Variants in SNW1 observed in about 807,000 individuals in gnomAD.
SNW1 encodes SNW domain containing 1, also known as SNW domain-containing protein 1.
Under a neutral mutation model 75.6 loss-of-function variants are expected in SNW1, and 9 were observed. The observed-to-expected ratio is 0.12, with a 90% CI of 0.07 to 0.21. The LOEUF is 0.21. Among genes scored for constraint, SNW1 ranks in the 10% least tolerant of loss-of-function variants. The pLI is 1.00. For missense variants in SNW1, 409 were observed against 670.9 expected (o/e 0.61, Z 4.31); for synonymous variants, 200 against 219.1 (o/e 0.91, Z 0.77).
intron 10 of SNW1, among the ~76,000 whole-genome samples, chr14:77,727,573 T>C (rs79084834): frequency 0.09 from 13,756 of 152,240 alleles, 815 homozygotes; most frequent in Non-Finnish European, 0.13. Context: ...CTAAGCCCAC[T>C]TTGTTGAGAG....
At chr14:77,719,038 C>G (rs1344149981) in intron 12 of SNW1, among the ~76,000 whole-genome samples, 1 of 152,120 alleles carries the variant, frequency 6.6e-6, no homozygotes, top group Non-Finnish European at 1.5e-5. Flanking sequence ...CTCAGCCTCC[C>G]AAGTAGCTGG....
intron 11 of SNW1, 49 bp downstream of exon 11, chr14:77,723,132 C>G: frequency 6.8e-7 from 1 of 1,466,394 alleles, no homozygotes; most frequent in Non-Finnish European, 9.5e-7. Context: ...CAGGGGTGAA[C>G]CACTGCGCCC....
At position 77,745,520 on chromosome 14, in the gene SNW1, C is replaced by T. The variant is rs187995007; in HGVS notation, c.330+5799G>A. 1.8e-3 allele frequency among the ~76,000 whole-genome samples: 270 copies of T among 152,264 alleles called. 1 individual carries two copies. The highest frequency in any genetic ancestry group is 2.3e-3 in the Non-Finnish European group (155 of 68,016). On this transcript the variant is annotated intron_variant, in intron 3 of 13. Coordinates refer to ENST00000261531, the MANE Select transcript of SNW1 (RefSeq NM_012245.3). Reference sequence around the variant, plus strand: ...GTCAGGAGTTCAAGACCAGCCTAACCAACAAGGTGAAACCCATCTCTACTA... The same window carrying T: ...GTCAGGAGTTCAAGACCAGCCTAACTAACAAGGTGAAACCCATCTCTACTA...
Position 77,731,047 on chromosome 14 carries a change from C to G in SNW1, c.974G>C (p.Arg325Thr), listed in dbSNP as rs1340731880. ...KEKEKHEEKL[R>T]EMAQKARERR... ...CTCCCTGGCTTTCTGGGCCATTTCT[C>G]TAAGTTTCTCTTCATGTTTTTCCTT... is the stretch of plus-strand genomic sequence containing the variant. Residue 325 changes from arginine to threonine, a missense_variant, in exon 10 of 14, where the codon AGA becomes ACA. Arg to Thr is a moderately conservative substitution (Grantham distance 71). Around this residue, in one of 9 missense-constraint regions of SNW1, gnomAD observed 37 missense variants for 110.0 expected, o/e 0.34. Transcript: ENST00000261531. The G allele has an allele frequency of 6.2e-7, 1 of 1,614,098 alleles. No individual in the cohort carries two copies. The highest frequency in any genetic ancestry group is 8.5e-7 in the Non-Finnish European group (1 of 1,179,986).
chr14:77,723,012 T>G (rs1037079670), intron 11 of SNW1, among the ~76,000 whole-genome samples, 169 bp downstream of exon 11: 3 of 152,062 alleles, frequency 2.0e-5, no homozygotes, highest in African/African-American at 7.2e-5. Context: ...CATGCCCGGC[T>G]AATTTTTTGT....
chr14:77,748,548 T>C (rs983842085), intron 3 of SNW1, among the ~76,000 whole-genome samples: 1 of 152,112 alleles, frequency 6.6e-6, no homozygotes, highest in South Asian at 2.1e-4. Context: ...ACTTGTGATA[T>C]ATACTTATGG....
intron 2 of SNW1, among the ~76,000 whole-genome samples, chr14:77,752,955 C>G (rs2080819595): frequency 6.6e-6 from 1 of 152,108 alleles, no homozygotes; most frequent in Admixed American, 6.6e-5. Context: ...TTCCCGTACC[C>G]AAGCCATCAA....
chr14:77,723,093 C>T (rs547418686), intron 11 of SNW1, 88 bp downstream of exon 11: 13 of 959,598 alleles, frequency 1.4e-5, no homozygotes, highest in East Asian at 7.2e-5. Context: ...GTGATCCGCC[C>T]GCATTGGCCT....
intron 1 of SNW1, among the ~76,000 whole-genome samples, chr14:77,756,372 A>G (rs1166258869): frequency 6.6e-6 from 1 of 152,008 alleles, no homozygotes; most frequent in Admixed American, 6.6e-5. Context: ...CAAGTGATCC[A>G]TCAGCCTCCA....
chr14:77,736,164 T>TA (rs1330407740), intron 6 of SNW1, among the ~76,000 whole-genome samples, 158 bp from the exon 7 acceptor site: 1 of 152,180 alleles, frequency 6.6e-6, no homozygotes, highest in East Asian at 1.9e-4. Context: ...TGACAATGAA[T>TA]AAAACATGGC....
chr14:77,753,750 A>AGGTG (rs2080824385), intron 2 of SNW1, among the ~76,000 whole-genome samples: 2 of 151,964 alleles, frequency 1.3e-5, no homozygotes, highest in South Asian at 4.2e-4. Flanking sequence ...TCAGGAGTTC[A>AGGTG]AGACCAGCCT....
At chr14:77,760,705 A>C (rs1326422557) in intron 1 of SNW1, 1 of 701,198 alleles carries the variant, frequency 1.4e-6, no homozygotes, top group South Asian at 1.5e-5. Context: ...AGACCACCAC[A>C]GGCAAACGGC....
rs745391146 is a variant in SNW1 at position 77,718,497 on chromosome 14, C to T, written c.1282G>A (p.Glu428Lys). The T allele has an allele frequency of 1.2e-6, 2 of 1,612,960 alleles. No individual in the cohort carries two copies. The highest frequency in any genetic ancestry group is 1.7e-6 in the Non-Finnish European group (2 of 1,179,242). ...GCTTGATCATAAACATTATAAATTT[C>T]ATCTTCTCCACCTGCAAATCCACTG... The part of the protein sequence containing the change: ...MDSGFAGGED[E>K]IYNVYDQAWR... Residue 428 changes from glutamate (E) to lysine (K), a missense_variant, in exon 13 of 14, where the codon GAA (glutamate) becomes AAA (lysine). By Grantham distance (56) the Glu-to-Lys change is moderately conservative. This residue lies in a region of SNW1 where 126 missense variants were observed against 167.6 expected (regional missense o/e 0.75). Coordinates refer to ENST00000261531, the MANE Select transcript of SNW1 (RefSeq NM_012245.3).
At chr14:77,758,474 A>G (rs1004368682) in intron 1 of SNW1, among the ~76,000 whole-genome samples, 3 of 152,146 alleles carry the variant, frequency 2.0e-5, no homozygotes, top group African/African-American at 7.2e-5. Context: ...AACAGCTTGC[A>G]TCTCAGCACT....
At chr14:77,736,088 G>T in intron 6 of SNW1, 82 bp from the exon 7 acceptor site, 1 of 989,610 alleles carries the variant, frequency 1.0e-6, no homozygotes, top group Non-Finnish European at 1.5e-6. Context: ...CCTTTTTCTT[G>T]CATAAAAGTT....
chr14:77,755,719 G>A (rs1213316614), intron 1 of SNW1, among the ~76,000 whole-genome samples: 1 of 149,420 alleles, frequency 6.7e-6, no homozygotes, highest in African/African-American at 2.5e-5. Flanking sequence ...ACCTGGCCAT[G>A]CTTCCGTATT....
chr14:77,731,189 C>T, intron 9 of SNW1, 60 bp from the exon 10 acceptor site: 1 of 1,549,974 alleles, frequency 6.5e-7, no homozygotes, highest in Admixed American at 1.8e-5. Context: ...TTATGGCTAT[C>T]ATCCAACTCC....
In SNW1 at chr14:77,717,637, CCAAG is replaced by C. The variant is rs1465944817; in HGVS notation, c.*447_*450del. 4 of 1,429,592 alleles carry C rather than the reference CCAAG, an allele frequency of 2.8e-6. No homozygotes were observed. Among genetic ancestry groups the C allele is most frequent in the African/African-American group, 1.4e-5 (1 of 70,546 alleles). 88.6% of individuals were successfully genotyped at this position (1,429,592 alleles called of 1,614,324 possible). A position where few individuals can be genotyped will look rare whatever the true frequency, so the allele number is the denominator to read the frequency against. On this transcript the variant is annotated 3_prime_UTR_variant, in exon 14 of 14. Coordinates refer to ENST00000261531, the MANE Select transcript of SNW1 (RefSeq NM_012245.3). ...TTTTTATTTGAAACAAATAGTTGCA[CCAAG>C]CAAGAGGTTACTTTGCCCACTCCAA...
At position 77,748,479 on chromosome 14, in the gene SNW1, T is replaced by C. The variant is rs529692423; in HGVS notation, c.330+2840A>G. ...AAATTTGGAATTATATATATCACTG[T>C]AGTAACAGCAGTTACCTCTGGGAAG... On this transcript the variant is annotated intron_variant, in intron 3 of 13. Coordinates refer to ENST00000261531, the MANE Select transcript of SNW1 (RefSeq NM_012245.3). 4.6e-5 allele frequency among the ~76,000 whole-genome samples: 7 copies of C among 152,216 alleles called. No individual in the cohort carries two copies. The East Asian group carries it at 1.3e-3, about 29-fold the overall frequency.
Sources: allele counts gnomAD v4.1 joint callset (sites outside exome capture counted in the v4.1 genomes callset), GRCh38; gene constraint gnomAD v4.1.1; regional missense constraint gnomAD v4.1.1; transcripts MANE v1.5; gene names NCBI Gene and HGNC (gene_info 2026-07-23, HGNC 2026-07-21).